Variants in PRRC2B observed in about 807,000 individuals in gnomAD.
The protein encoded by PRRC2B is protein PRRC2B.
A neutral mutation model predicts 242.3 loss-of-function variants in PRRC2B; 68 were observed. The ratio of observed to expected loss-of-function variants is 0.28; its 90% confidence interval spans 0.23 to 0.34. The LOEUF (loss-of-function observed/expected upper bound fraction) is 0.34. Among genes scored for constraint, PRRC2B ranks in the 10% least tolerant of loss-of-function variants. The pLI is 1.00. For synonymous variants in PRRC2B, 1,228 were observed against 1,173.6 expected (o/e 1.05, Z -0.95); for missense variants, 2,835 against 2,954.8 (o/e 0.96, Z 0.94).
chr9:131,445,315 C>A (rs1838763297), intron 6 of PRRC2B, among the ~76,000 whole-genome samples: 1 of 152,194 alleles, frequency 6.6e-6, no homozygotes, highest in African/African-American at 2.4e-5. Context: ...CATGTGCCAC[C>A]ACACCCAGCT....
intron 9 of PRRC2B, among the ~76,000 whole-genome samples, chr9:131,451,001 G>C (rs1942895851): frequency 6.6e-6 from 1 of 152,146 alleles, no homozygotes; most frequent in Non-Finnish European, 1.5e-5. Flanking sequence ...AATGTCTTTT[G>C]TTAAATTTAT....
chr9:131,452,047 G>A lies in PRRC2B; in HGVS notation c.1121-3029G>A, dbSNP rs112667295. The stretch of plus-strand genomic sequence containing the variant: ...AAGTTATGCTGGGCTTATAAAATGA[G>A]TTGTGGAGTGTTCTTCTCTACTTTC... On this transcript the variant is annotated intron_variant, in intron 9 of 31. Coordinates refer to ENST00000683519, the MANE Select transcript of PRRC2B (RefSeq NM_013318.4). Among the ~76,000 whole-genome samples, 1,343 of 151,564 alleles carry A rather than the reference G, an allele frequency of 8.9e-3. 18 individuals carry two copies. The highest frequency in any genetic ancestry group is 0.029 in the African/African-American group (1,203 of 41,272).
chr9:131,483,124 T>C (rs568814364), intron 22 of PRRC2B, among the ~76,000 whole-genome samples: 1 of 152,130 alleles, frequency 6.6e-6, no homozygotes, highest in Non-Finnish European at 1.5e-5. Flanking sequence ...GACAGGCCAG[T>C]GATCTTCCCT....
chr9:131,477,035 C>A (rs548731866), intron 16 of PRRC2B, among the ~76,000 whole-genome samples: 1 of 152,328 alleles, frequency 6.6e-6, no homozygotes, highest in African/African-American at 2.4e-5. Flanking sequence ...ATGGCAGGAG[C>A]CCAGCAAACG....
At position 131,499,138 on chromosome 9, in the gene PRRC2B, G is replaced by C. The variant is rs192165180; in HGVS notation, c.*3264G>C. 1 of 152,218 alleles carries C rather than the reference G, an allele frequency of 6.6e-6. No individual in the cohort carries two copies. The highest frequency in any genetic ancestry group is 1.5e-5 in the Non-Finnish European group (1 of 68,034). 9.4% of individuals were successfully genotyped at this position (152,218 alleles called of 1,614,324 possible). ...CCTTCCAGCCACTTCTAGGGACACTGGGGAACCTTGTTAAACGTTGACATC... is the reference window on the plus strand; with the variant it reads ...CCTTCCAGCCACTTCTAGGGACACTCGGGAACCTTGTTAAACGTTGACATC... On this transcript the variant is annotated 3_prime_UTR_variant, in exon 32 of 32. Coordinates refer to ENST00000683519, the MANE Select transcript of PRRC2B (RefSeq NM_013318.4).
Position 131,475,228 on chromosome 9 carries a change from A to AC in PRRC2B, c.3104dup (p.Arg1036ThrfsTer13). ...AACCTGACAAGGCCTGGGAAGCCAGACCCCCACGAGAGTCCAGCGATGTTC... is the reference window on the plus strand; with the variant it reads ...AACCTGACAAGGCCTGGGAAGCCAGACCCCCCACGAGAGTCCAGCGATGTTC... On this transcript the variant is annotated frameshift_variant, in exon 16 of 32. Coordinates refer to ENST00000683519, the MANE Select transcript of PRRC2B (RefSeq NM_013318.4). LOFTEE classifies it high-confidence loss of function. The AC allele has an allele frequency of 6.2e-7, 1 of 1,613,728 alleles. No homozygotes were observed. Among genetic ancestry groups the AC allele is most frequent in the Non-Finnish European group, 8.5e-7 (1 of 1,179,862 alleles).
intron 1 of PRRC2B, among the ~76,000 whole-genome samples, chr9:131,380,502 C>A (rs1403594182): frequency 6.6e-6 from 1 of 151,010 alleles, no homozygotes; most frequent in Non-Finnish European, 1.5e-5. Flanking sequence ...TCCCTTGAAC[C>A]CGGGAGGCGG....
At chr9:131,424,304 T>A (rs1219491680) in intron 1 of PRRC2B, among the ~76,000 whole-genome samples, 1 of 152,158 alleles carries the variant, frequency 6.6e-6, no homozygotes, top group Non-Finnish European at 1.5e-5. Context: ...TTAGGGTCAG[T>A]GCTTGTCTAG....
chr9:131,472,377 T>C (rs928107822), intron 14 of PRRC2B, among the ~76,000 whole-genome samples: 2 of 151,860 alleles, frequency 1.3e-5, no homozygotes, highest in Non-Finnish European at 2.9e-5. Context: ...CAATTTCAAC[T>C]CACTGCAACC....
chr9:131,423,152 T>C (rs543920006), intron 1 of PRRC2B, among the ~76,000 whole-genome samples: 92 of 152,222 alleles, frequency 6.0e-4, no homozygotes, highest in Non-Finnish European at 1.1e-3. Flanking sequence ...GGAGAGAAGG[T>C]GAGGTAAAGC....
Position 131,474,641 on chromosome 9 carries a change from C to G in PRRC2B, c.2512C>G (p.Gln838Glu), listed in dbSNP as rs371589340. 2.0e-5 allele frequency: 32 copies of G among 1,613,820 alleles called. No homozygotes were observed. The African/African-American group carries it at 3.6e-4, about 18-fold the overall frequency. Reference protein sequence around the residue: ...ELLFPPQENVQDAGAPGGHTQ... With the variant: ...ELLFPPQENVEDAGAPGGHTQ... ...TTTGTTTCCACCCCAAGAAAATGTT[C>G]AGGATGCAGGTGCTCCTGGGGGTCA... The change falls in exon 16 of 32, where the codon CAG becomes GAG. Residue 838 changes from glutamine to glutamate, a missense_variant. Transcript: ENST00000683519.
chr9:131,414,818 C>T (rs970506524), intron 1 of PRRC2B, among the ~76,000 whole-genome samples: 1 of 152,014 alleles, frequency 6.6e-6, no homozygotes, highest in Admixed American at 6.5e-5. Flanking sequence ...GATCCACCCG[C>T]CTTGGCCTCC....
chr9:131,459,311 A>G lies in PRRC2B; in HGVS notation c.1359A>G (p.Pro453=), dbSNP rs369496258. 1 of 1,613,662 alleles carries G rather than the reference A, an allele frequency of 6.2e-7. No homozygotes were observed. The highest frequency in any genetic ancestry group is 1.3e-5 in the African/African-American group (1 of 74,874). Residue 453 remains proline, a synonymous_variant, in exon 11 of 32, where the codon CCA becomes CCG. Transcript: ENST00000683519. The part of the protein sequence containing the change: ...RVVRKAPDPQ[P]PPRKLHGWAP... ...TCCGAAAGGCGCCAGACCCTCAGCC[A>G]CCGCCCAGGAAGCTTCATGGCTGGG... is the stretch of plus-strand genomic sequence containing the variant.
chr9:131,486,207 T>A, intron 26 of PRRC2B, 25 bp downstream of exon 26: 1 of 1,492,372 alleles, frequency 6.7e-7, no homozygotes, highest in Non-Finnish European at 9.3e-7. Context: ...CCAGGTGGCC[T>A]GGCTGGGGGT....
chr9:131,436,245 G>T (rs914789746), intron 3 of PRRC2B, among the ~76,000 whole-genome samples: 3 of 152,192 alleles, frequency 2.0e-5, no homozygotes, highest in Non-Finnish European at 4.4e-5. Flanking sequence ...CAAGCCTGTA[G>T]TCCCACCTAC....
chr9:131,382,138 G>A (rs1484109232), intron 1 of PRRC2B, among the ~76,000 whole-genome samples: 1 of 151,858 alleles, frequency 6.6e-6, no homozygotes, highest in Non-Finnish European at 1.5e-5. Flanking sequence ...TGCCTCAGCT[G>A]CCCAAGTAGC....
intron 11 of PRRC2B, among the ~76,000 whole-genome samples, chr9:131,462,836 T>TTAAAA (rs1554763506): frequency 2.4e-5 from 2 of 81,940 alleles, no homozygotes; most frequent in African/African-American, 9.1e-5. Context: ...AGACTCCGTC[T>TTAAAA]AAAAAAAAAA....
chr9:131,458,232 A>C (rs1435268868), intron 10 of PRRC2B, among the ~76,000 whole-genome samples: 1 of 152,146 alleles, frequency 6.6e-6, no homozygotes, highest in African/African-American at 2.4e-5. Flanking sequence ...TGGCTTGTGC[A>C]GAGCATAGGG....
In PRRC2B at chr9:131,397,102, T is replaced by C. The variant is rs928692994; in HGVS notation, c.-52+2839T>C. On this transcript the variant is annotated intron_variant, in intron 1 of 31. Transcript: ENST00000683519. ...CTTTGATTTTTCCTCGCTTCCTGCC[T>C]CTTGGCCCTTCCTTTTTGTCTGACT... Among the ~76,000 whole-genome samples, 8 of 152,356 alleles carry C rather than the reference T, an allele frequency of 5.3e-5. 1 individual carries two copies. In the South Asian group the frequency reaches 1.2e-3, roughly 24 times the overall value.
Sources: gnomAD v4.1 joint callset for allele counts (sites outside exome capture counted in the v4.1 genomes callset) on GRCh38, gnomAD v4.1.1 for gene constraint, MANE v1.5 for transcripts, NCBI Gene and HGNC (gene_info 2026-07-23, HGNC 2026-07-21) for gene names.